GLIS3: variants seen among roughly 807,000 people sequenced by gnomAD.
GLIS3 encodes GLIS family zinc finger 3, also known as zinc finger protein GLIS3.
In GLIS3, 53 loss-of-function variants were observed where a neutral mutation model predicts 78.6. The ratio of observed to expected loss-of-function variants is 0.67; its 90% confidence interval spans 0.54 to 0.85. The LOEUF (loss-of-function observed/expected upper bound fraction) is 0.85. Ranked by LOEUF, GLIS3 falls within the 40% of genes least tolerant of loss-of-function variation. GLIS3 has a pLI of 0.00. For missense variants in GLIS3, 1,703 were observed against 1,231.1 expected (o/e 1.38, Z -5.74); for synonymous variants, 684 against 509.9 (o/e 1.34, Z -4.60).
chr9:4,106,849 GACATCACACAC>G, intron 4 of GLIS3, among the ~76,000 whole-genome samples: 1 of 152,284 alleles, frequency 6.6e-6, no homozygotes, highest in South Asian at 2.1e-4. Context: ...GGGACATGAA[GACATCACACAC>G]ACTCACGGCT....
At chr9:3,922,070 T>C (rs139279056) in intron 6 of GLIS3, among the ~76,000 whole-genome samples, 3 of 152,340 alleles carry the variant, frequency 2.0e-5, no homozygotes, top group African/African-American at 7.2e-5. Context: ...AGGAATTTAT[T>C]TGAAGCACTT....
chr9:3,934,487 G>A (rs1046499425), intron 5 of GLIS3, among the ~76,000 whole-genome samples: 1 of 149,746 alleles, frequency 6.7e-6, no homozygotes, highest in African/African-American at 2.5e-5. Flanking sequence ...TCGGCTCACT[G>A]CAACCTCCGC....
intron 2 of GLIS3, among the ~76,000 whole-genome samples, chr9:4,216,022 G>C (rs181176196): frequency 2.6e-5 from 4 of 152,182 alleles, no homozygotes; most frequent in Middle Eastern, 3.4e-3. Flanking sequence ...TCCAGTTGCG[G>C]CCTTCCTAAT....
the GLIS3 span, among the ~76,000 whole-genome samples, chr9:4,434,093 T>TC: frequency 5.8e-5 from 4 of 68,876 alleles, no homozygotes; most frequent in East Asian, 5.4e-4. Flanking sequence ...AGACTCTGTC[T>TC]CAAAAAAAAA....
intron 4 of GLIS3, among the ~76,000 whole-genome samples, chr9:4,307,927 G>C (rs1587376305): frequency 6.6e-6 from 1 of 152,292 alleles, no homozygotes; most frequent in East Asian, 1.9e-4. Flanking sequence ...AGATAGAATT[G>C]CGGGTTGTTT....
chr9:4,348,757 G>A (rs1179485701), upstream of GLIS3, among the ~76,000 whole-genome samples: 1 of 151,396 alleles, frequency 6.6e-6, no homozygotes, highest in Non-Finnish European at 1.5e-5. Flanking sequence ...ATTCAAAAAG[G>A]AAAATGCTCC....
intron 4 of GLIS3, among the ~76,000 whole-genome samples, chr9:3,951,975 A>C (rs1816729435): frequency 6.6e-6 from 1 of 152,054 alleles, no homozygotes; most frequent in Non-Finnish European, 1.5e-5. Context: ...GATCACTGGC[A>C]CAATGACTGA....
chr9:4,305,913 T>C (rs926649022), intron 4 of GLIS3: 8 of 152,230 alleles, frequency 5.3e-5, no homozygotes, highest in Admixed American at 4.6e-4. Flanking sequence ...TACAAGTCAG[T>C]AAATGCCTTT....
At chr9:4,448,764 T>G in the GLIS3 span, among the ~76,000 whole-genome samples, 2 of 152,230 alleles carry the variant, frequency 1.3e-5, no homozygotes, top group African/African-American at 4.8e-5. Context: ...AAGTTTCCAG[T>G]AGCCTGGAAG....
At chr9:4,124,998 A>G (rs1341206248) in intron 3 of GLIS3, among the ~76,000 whole-genome samples, 1 of 152,216 alleles carries the variant, frequency 6.6e-6, no homozygotes, top group Non-Finnish European at 1.5e-5. Flanking sequence ...CCCACCTAAT[A>G]TCAACCTTGA....
At chr9:4,392,451 G>C in the GLIS3 span, among the ~76,000 whole-genome samples, 2 of 152,080 alleles carry the variant, frequency 1.3e-5, no homozygotes, top group African/African-American at 2.4e-5. Flanking sequence ...GGGGATCTTA[G>C]GGATGCACTA....
chr9:4,480,266 A>T, the GLIS3 span, among the ~76,000 whole-genome samples: 1 of 139,468 alleles, frequency 7.2e-6, no homozygotes, highest in Admixed American at 7.9e-5. Context: ...CTGCAGTGGC[A>T]TAATCACAGC....
chr9:4,439,131 G>A, the GLIS3 span, among the ~76,000 whole-genome samples: 35 of 152,154 alleles, frequency 2.3e-4, no homozygotes, highest in African/African-American at 8.4e-4. Flanking sequence ...GCTGCATGCT[G>A]AGGGCATTCT....
intron 1 of GLIS3, chr9:4,298,421 G>A (rs553126816): frequency 6.6e-6 from 3 of 454,232 alleles, no homozygotes; most frequent in East Asian, 7.1e-5. Context: ...ATCAGCCAGG[G>A]CCAAGATTTC....
chr9:4,095,632 A>G (rs1173691209), intron 4 of GLIS3, among the ~76,000 whole-genome samples: 1 of 152,218 alleles, frequency 6.6e-6, no homozygotes, highest in Admixed American at 6.5e-5. Flanking sequence ...GTCCTCTTGA[A>G]CAAGACAACA....
At chr9:4,318,605 G>C (rs969573455) in intron 2 of GLIS3, among the ~76,000 whole-genome samples, 2 of 152,088 alleles carry the variant, frequency 1.3e-5, no homozygotes, top group African/African-American at 4.8e-5. Context: ...AGCAAAAAGA[G>C]TCCAGATGTT....
chr9:3,944,037 G>A (rs1360170853), intron 4 of GLIS3, among the ~76,000 whole-genome samples: 1 of 152,140 alleles, frequency 6.6e-6, no homozygotes, highest in African/African-American at 2.4e-5. Flanking sequence ...TAAAACAAGG[G>A]TTACTGAAAT....
the GLIS3 span, among the ~76,000 whole-genome samples, chr9:4,489,033 A>AT: frequency 7.9e-5 from 12 of 151,708 alleles, no homozygotes; most frequent in African/African-American, 9.7e-5. Context: ...CGCCCGGCTA[A>AT]TTTTTTTGTA....
intron 8 of GLIS3, among the ~76,000 whole-genome samples, chr9:3,862,881 G>C (rs1820312303): frequency 6.6e-6 from 1 of 151,070 alleles, no homozygotes; most frequent in Non-Finnish European, 1.5e-5. Flanking sequence ...TAGAAATAAT[G>C]GATATAAACT....
Sources: gnomAD v4.1 joint callset for allele counts (sites outside exome capture counted in the v4.1 genomes callset) on GRCh38, gnomAD v4.1.1 for gene constraint, MANE v1.5 for transcripts, NCBI Gene and HGNC (gene_info 2026-07-23, HGNC 2026-07-21) for gene names.